Variants in TMEM135 observed in about 807,000 individuals in gnomAD.
The protein encoded by TMEM135 is transmembrane protein 135.
Under a neutral mutation model 60.3 loss-of-function variants are expected in TMEM135, and 30 were observed. That is an observed-to-expected ratio of 0.50 (90% CI 0.37 to 0.68). The LOEUF (loss-of-function observed/expected upper bound fraction) is 0.68, where lower values mean the gene tolerates loss of function less well. Ranked by LOEUF, TMEM135 falls within the 30% of genes least tolerant of loss-of-function variation. TMEM135 has a pLI of 0.00. For synonymous variants in TMEM135, 190 were observed against 186.7 expected, an observed-to-expected ratio of 1.02 and a Z score of -0.14; for missense variants, 468 against 548.8, an observed-to-expected ratio of 0.85 and a Z score of 1.47.
At chr11:87,283,002 T>G (rs1008712854) in intron 6 of TMEM135, among the ~76,000 whole-genome samples, 4 of 152,152 alleles carry the variant, frequency 2.6e-5, no homozygotes, top group Admixed American at 1.3e-4. Context: ...TTTCTCTTTC[T>G]TGGGGGTCAG....
chr11:87,102,490 T>C (rs983124848), intron 4 of TMEM135, among the ~76,000 whole-genome samples: 2 of 152,096 alleles, frequency 1.3e-5, no homozygotes, highest in African/African-American at 4.8e-5. Context: ...AATGTAAAAT[T>C]GTTTAACCAC....
chr11:87,060,981 A>G (rs1029583587), intron 1 of TMEM135, among the ~76,000 whole-genome samples: 1 of 152,102 alleles, frequency 6.6e-6, no homozygotes, highest in Non-Finnish European at 1.5e-5. Flanking sequence ...TAATAAAATC[A>G]TGCCCATTAA....
chr11:87,193,069 T>C (rs945070531), intron 5 of TMEM135, among the ~76,000 whole-genome samples: 5 of 152,078 alleles, frequency 3.3e-5, no homozygotes, highest in Non-Finnish European at 7.4e-5. Flanking sequence ...GAGCTGAGAT[T>C]GCACCACTGC....
chr11:87,239,721 G>A (rs1461712011), intron 6 of TMEM135, among the ~76,000 whole-genome samples: 1 of 147,906 alleles, frequency 6.8e-6, no homozygotes, highest in Non-Finnish European at 1.5e-5. Context: ...GGGAAATGAG[G>A]CCTGCTTTCA....
At chr11:87,053,044 C>T (rs1590980784) in intron 1 of TMEM135, among the ~76,000 whole-genome samples, 1 of 129,842 alleles carries the variant, frequency 7.7e-6, no homozygotes, top group East Asian at 2.4e-4. Flanking sequence ...AACCATCATT[C>T]TCAGTAAACT....
intron 5 of TMEM135, among the ~76,000 whole-genome samples, chr11:87,185,076 C>G (rs1478918824): frequency 6.6e-6 from 1 of 152,100 alleles, no homozygotes; most frequent in Non-Finnish European, 1.5e-5. Flanking sequence ...TACTACCTTC[C>G]CTCAATAATT....
intron 5 of TMEM135, among the ~76,000 whole-genome samples, chr11:87,228,031 C>T (rs1178086624): frequency 6.6e-6 from 1 of 152,152 alleles, no homozygotes; most frequent in Non-Finnish European, 1.5e-5. Flanking sequence ...AGTATACAAA[C>T]AACACCAAAA....
At chr11:87,061,166 A>G (rs1949942985) in intron 1 of TMEM135, among the ~76,000 whole-genome samples, 1 of 152,246 alleles carries the variant, frequency 6.6e-6, no homozygotes, top group Non-Finnish European at 1.5e-5. Flanking sequence ...TAAATAAAAT[A>G]AAAATTCTGG....
At chr11:87,169,097 G>T (rs1305119691) in intron 5 of TMEM135, among the ~76,000 whole-genome samples, 1 of 151,586 alleles carries the variant, frequency 6.6e-6, no homozygotes, top group East Asian at 1.9e-4. Flanking sequence ...TTTAAAGTCT[G>T]TTTTATCAGA....
At chr11:87,303,922 A>C (rs986997880) in intron 8 of TMEM135, among the ~76,000 whole-genome samples, 10 of 152,236 alleles carry the variant, frequency 6.6e-5, no homozygotes, top group African/African-American at 2.4e-4. Context: ...TAGTAGCCTC[A>C]GTGGATCTTC....
chr11:87,090,350 A>G (rs142873934), intron 3 of TMEM135, among the ~76,000 whole-genome samples: 51 of 152,286 alleles, frequency 3.3e-4, no homozygotes, highest in African/African-American at 1.2e-3. Flanking sequence ...CAGTTAAATC[A>G]TACTGCCTGC....
At chr11:87,292,224 T>C (rs757516630) in intron 6 of TMEM135, among the ~76,000 whole-genome samples, 8 of 152,208 alleles carry the variant, frequency 5.3e-5, no homozygotes, top group Non-Finnish European at 7.3e-5. Context: ...CCCCTTATCT[T>C]GGAGGTTTGT....
intron 5 of TMEM135, among the ~76,000 whole-genome samples, chr11:87,216,822 T>C (rs951671422): frequency 3.9e-5 from 6 of 152,218 alleles, no homozygotes; most frequent in Non-Finnish European, 7.3e-5. Context: ...GATCAATTAC[T>C]TTAAAATGAT....
intron 5 of TMEM135, among the ~76,000 whole-genome samples, chr11:87,210,034 G>C (rs668448): frequency 0.13 from 19,515 of 152,116 alleles, 1,308 homozygotes; most frequent in Non-Finnish European, 0.15. Context: ...GCGTTAAGAG[G>C]AAAGTTTACA....
intron 3 of TMEM135, among the ~76,000 whole-genome samples, chr11:87,074,368 G>GT (rs981201830): frequency 1.1e-3 from 171 of 151,726 alleles, no homozygotes; most frequent in African/African-American, 3.9e-3. Context: ...TATTATTTTT[G>GT]TTTTTTTTGC....
At chr11:87,179,483 G>C (rs1255087154) in intron 5 of TMEM135, among the ~76,000 whole-genome samples, 2 of 151,738 alleles carry the variant, frequency 1.3e-5, no homozygotes, top group East Asian at 3.9e-4. Context: ...TTTCTCCTTT[G>C]TTTTTCATTT....
intron 9 of TMEM135, among the ~76,000 whole-genome samples, chr11:87,308,048 C>T (rs868519399): frequency 2.0e-5 from 3 of 152,100 alleles, no homozygotes; most frequent in Non-Finnish European, 4.4e-5. Flanking sequence ...AATGTCTATC[C>T]TAGTGTCTTG....
intron 5 of TMEM135, among the ~76,000 whole-genome samples, chr11:87,197,468 G>A (rs1939987207): frequency 6.6e-6 from 1 of 152,080 alleles, no homozygotes; most frequent in Admixed American, 6.5e-5. Context: ...AATCTAGAAA[G>A]GAGATGGTAA....
chr11:87,098,664 T>C (rs1451038831), intron 4 of TMEM135, among the ~76,000 whole-genome samples: 1 of 152,056 alleles, frequency 6.6e-6, no homozygotes, highest in Non-Finnish European at 1.5e-5. Flanking sequence ...ATAGATTATT[T>C]ATATTGTATA....
Sources: allele counts gnomAD v4.1 joint callset (sites outside exome capture counted in the v4.1 genomes callset), GRCh38; gene constraint gnomAD v4.1.1; transcripts MANE v1.5; gene names NCBI Gene and HGNC (gene_info 2026-07-23, HGNC 2026-07-21).